Variants in ABCA13 observed in about 807,000 individuals in gnomAD.
ABCA13 encodes the protein ATP binding cassette subfamily A member 13, also known as ATP-binding cassette sub-family A member 13.
In ABCA13, 476 loss-of-function variants were observed where a neutral mutation model predicts 478.7. That is an observed-to-expected ratio of 0.99 (90% CI 0.92 to 1.07). The LOEUF is 1.07. ABCA13 is among the 50% of genes least tolerant of loss of function. ABCA13 has a pLI of 0.00. For synonymous variants in ABCA13, 2,252 were observed against 2,158.9 expected, an observed-to-expected ratio of 1.04 and a Z score of -1.20; for missense variants, 6,060 against 5,910.6, an observed-to-expected ratio of 1.03 and a Z score of -0.83.
chr7:48,352,621 T>A, intron 31 of ABCA13, 134 bp downstream of exon 31: 1 of 1,001,928 alleles, frequency 1.0e-6, no homozygotes, highest in Non-Finnish European at 1.4e-6. Context: ...ACTTTTTAAT[T>A]TCGTAAGGTT....
At chr7:48,394,576 T>C (rs995406593) in intron 38 of ABCA13, among the ~76,000 whole-genome samples, 1 of 152,256 alleles carries the variant, frequency 6.6e-6, no homozygotes, top group Non-Finnish European at 1.5e-5. Context: ...ATTAGTCTTC[T>C]GTTTCTTTCC....
chr7:48,372,398 G>A lies in ABCA13; in HGVS notation c.11034G>A (p.Ala3678=), dbSNP rs775259214. The A allele has an allele frequency of 7.8e-5, 126 of 1,613,546 alleles. No individual in the cohort carries two copies. The highest frequency in any genetic ancestry group is 9.7e-5 in the Non-Finnish European group (115 of 1,179,834). The change falls in exon 33 of 62, where the codon GCG becomes GCA. Residue 3678 remains alanine (A), a synonymous_variant. Transcript: ENST00000435803. Reference sequence around the variant, plus strand: ...CATTTTTCAGCCAAGCTAATACAGCGGCCCTTTGTACCAGCCTGGTGTACA... The same window carrying A: ...CATTTTTCAGCCAAGCTAATACAGCAGCCCTTTGTACCAGCCTGGTGTACA... The part of the protein sequence containing the change: ...LSAFFSQANT[A]ALCTSLVYMI...
At chr7:48,319,749 G>T (rs889049770) in intron 27 of ABCA13, among the ~76,000 whole-genome samples, 4 of 152,148 alleles carry the variant, frequency 2.6e-5, no homozygotes, top group Admixed American at 1.3e-4. Context: ...GCTGGATTTT[G>T]GTCCCCCTTT....
chr7:48,625,700 C>G (rs192845347), intron 59 of ABCA13, among the ~76,000 whole-genome samples: 73 of 152,306 alleles, frequency 4.8e-4, no homozygotes, highest in African/African-American at 1.7e-3. Context: ...TGGTTAGCTG[C>G]CTCTGGTCTT....
At chr7:48,203,097 C>T (rs111316249) in intron 3 of ABCA13, among the ~76,000 whole-genome samples, 31,609 of 151,790 alleles carry the variant, frequency 0.21, 3,772 homozygotes, top group East Asian at 0.33. Context: ...TCGAGCGCAG[C>T]GCCGGTGGGC....
chr7:48,536,265 G>A lies in ABCA13; in HGVS notation c.14354+7920G>A, dbSNP rs117694694. Among the ~76,000 whole-genome samples the A allele has an allele frequency of 2.3e-3, 343 of 151,684 alleles. 1 individual carries two copies. The highest frequency in any genetic ancestry group is 4.2e-3 in the South Asian group (20 of 4,814). ...GTAATATTTCTATTTATGAAATGAT[G>A]GATTGAAAATTATCTACAAATTTTC... On this transcript the variant is annotated intron_variant, in intron 55 of 61. Coordinates refer to ENST00000435803, the MANE Select transcript of ABCA13 (RefSeq NM_152701.5).
chr7:48,643,204 C>G (rs1294793277), intron 59 of ABCA13, 84 bp from the exon 60 acceptor site: 18 of 831,080 alleles, frequency 2.2e-5, no homozygotes, highest in Non-Finnish European at 3.4e-5. Flanking sequence ...TCCTTTTTCT[C>G]CCTCTGTGTG....
At chr7:48,597,412 A>G (rs1183117988) in intron 58 of ABCA13, among the ~76,000 whole-genome samples, 1 of 152,242 alleles carries the variant, frequency 6.6e-6, no homozygotes, top group Non-Finnish European at 1.5e-5. Flanking sequence ...TATGAATAAT[A>G]TGTTATGAAC....
chr7:48,567,581 A>G (rs56362353), intron 55 of ABCA13, among the ~76,000 whole-genome samples: 5,202 of 152,156 alleles, frequency 0.034, 311 homozygotes, highest in African/African-American at 0.12. Context: ...TTACCAACAA[A>G]TTTTAAAATA....
rs771549318 is a variant in ABCA13, at chr7:48,317,143, T to G, written c.9860-14T>G. On this transcript the variant is annotated splice_polypyrimidine_tract_variant and intron_variant, in intron 26 of 61. Coordinates refer to ENST00000435803, the MANE Select transcript of ABCA13 (RefSeq NM_152701.5). ...TATCATTAGCAACTTTTTTTTTCTT[T>G]CTAATTGCAACAGCACCGTTTTGCT... The G allele has an allele frequency of 6.2e-7, 1 of 1,600,258 alleles. No homozygotes were observed. Among genetic ancestry groups the G allele is most frequent in the Non-Finnish European group, 8.5e-7 (1 of 1,176,306 alleles).
At chr7:48,502,120 C>T (rs1420700471) in intron 48 of ABCA13, among the ~76,000 whole-genome samples, 1 of 152,118 alleles carries the variant, frequency 6.6e-6, no homozygotes, top group African/African-American at 2.4e-5. Flanking sequence ...ACAATTTCAC[C>T]ATCAGATTAC....
chr7:48,559,143 G>A (rs527850394), intron 55 of ABCA13, among the ~76,000 whole-genome samples: 51 of 152,278 alleles, frequency 3.3e-4, no homozygotes, highest in Admixed American at 8.5e-4. Flanking sequence ...GCCCTGGCTG[G>A]ACCCAGAGAA....
At chr7:48,267,697 ATAAAG>A (rs1471217935) in intron 15 of ABCA13, among the ~76,000 whole-genome samples, 2 of 152,186 alleles carry the variant, frequency 1.3e-5, no homozygotes, top group African/African-American at 4.8e-5. Context: ...ACCTAATAGT[ATAAAG>A]TAAATAACAT....
rs1805840460 is a variant in ABCA13 at position 48,334,148 on chromosome 7, T to C, written c.10000-1274T>C. On this transcript the variant is annotated intron_variant, in intron 27 of 61. Coordinates refer to ENST00000435803, the MANE Select transcript of ABCA13 (RefSeq NM_152701.5). ...GTACGTGTGTGTGTGTATTCTCTAT[T>C]TGCAGTTTTTAAAGATTTTACAGAT... 2.0e-5 allele frequency among the ~76,000 whole-genome samples: 3 copies of C among 152,120 alleles called. No individual in the cohort carries two copies. In the South Asian group the frequency reaches 6.2e-4, roughly 32 times the overall value.
chr7:48,260,484 G>T (rs1041292813), intron 15 of ABCA13, among the ~76,000 whole-genome samples: 2 of 151,870 alleles, frequency 1.3e-5, no homozygotes, highest in Non-Finnish European at 2.9e-5. Flanking sequence ...AATTCAATGC[G>T]CAGGTTTAGA....
At chr7:48,551,482 A>C (rs1785316697) in intron 55 of ABCA13, among the ~76,000 whole-genome samples, 1 of 151,868 alleles carries the variant, frequency 6.6e-6, no homozygotes, top group African/African-American at 2.4e-5. Context: ...AGTTACAGAC[A>C]CATAAATCTA....
At chr7:48,597,670 T>C (rs1790440569) in intron 58 of ABCA13, among the ~76,000 whole-genome samples, 1 of 152,190 alleles carries the variant, frequency 6.6e-6, no homozygotes, top group Non-Finnish European at 1.5e-5. Flanking sequence ...TTAATTCACA[T>C]TTTCCTAAGG....
At position 48,520,229 on chromosome 7, in the gene ABCA13, C is replaced by G; in HGVS notation, c.13986C>G (p.Ala4662=). ...NFLGWIFVQL[A]SQGTVLLLLR... is the part of the protein sequence containing the mutation. ...TGGGCTGGATCTTCGTGCAACTGGCCTCGCAGGGCACAGTACTTCTCCTCT... is the reference window on the plus strand; with the variant it reads ...TGGGCTGGATCTTCGTGCAACTGGCGTCGCAGGGCACAGTACTTCTCCTCT... The change falls in exon 53 of 62, where the codon GCC becomes GCG. Residue 4662 remains alanine (A), a synonymous_variant. Coordinates refer to ENST00000435803, the MANE Select transcript of ABCA13 (RefSeq NM_152701.5). 1.2e-6 allele frequency: 2 copies of G among 1,613,634 alleles called. No homozygotes were observed. Among genetic ancestry groups the G allele is most frequent in the Middle Eastern group, 1.7e-4 (1 of 6,058 alleles).
intron 31 of ABCA13, among the ~76,000 whole-genome samples, chr7:48,353,201 C>T (rs991224321): frequency 2.0e-5 from 3 of 151,886 alleles, no homozygotes; most frequent in African/African-American, 7.3e-5. Flanking sequence ...CTTCAAAGCT[C>T]ACCAAAGCGG....
Sources: allele counts gnomAD v4.1 joint callset (sites outside exome capture counted in the v4.1 genomes callset), GRCh38; gene constraint gnomAD v4.1.1; transcripts MANE v1.5; gene names NCBI Gene and HGNC (gene_info 2026-07-23, HGNC 2026-07-21).